The following IP6K3 variants were observed in gnomAD, a reference collection of about 807,000 sequenced individuals.
IP6K3 encodes the protein inositol hexakisphosphate kinase 3.
Under a neutral mutation model 28.8 loss-of-function variants are expected in IP6K3, and 20 were observed. The observed-to-expected ratio is 0.70, with a 90% CI of 0.49 to 1.01. The LOEUF is 1.01. IP6K3 is among the 50% of genes least tolerant of loss of function. The pLI is 0.00. For missense variants in IP6K3, 480 were observed against 537.1 expected, an observed-to-expected ratio of 0.89 and a Z score of 1.05; for synonymous variants, 213 against 221.3, an observed-to-expected ratio of 0.96 and a Z score of 0.33.
intron 5 of IP6K3, 65 bp from the exon 6 acceptor site, chr6:33,723,252 G>T: frequency 9.2e-7 from 1 of 1,087,986 alleles, no homozygotes; most frequent in Non-Finnish European, 1.3e-6. Flanking sequence ...ATCTGGTACG[G>T]TTGCAGCATC....
chr6:33,735,583 C>T lies in IP6K3; in HGVS notation c.-107G>A, dbSNP rs1766496205. 1.3e-6 allele frequency: 2 copies of T among 1,506,196 alleles called. No individual in the cohort carries two copies. Among genetic ancestry groups the T allele is most frequent in the Admixed American group, 2.2e-5 (1 of 46,416 alleles). The allele number at this position is 1,506,196 out of a possible 1,614,324, so 93.3% of individuals were successfully genotyped here. On this transcript the variant is annotated 5_prime_UTR_variant, in exon 2 of 6. Coordinates refer to ENST00000293756, the MANE Select transcript of IP6K3 (RefSeq NM_054111.5). ...ACACGGGGCTGTCAGCGGTCCTCAA[C>T]TTTCTCCTTCTTGGCCTTTATTGCT...
At chr6:33,727,866 T>A (rs1235516659) in intron 3 of IP6K3, 14 of 985,318 alleles carry the variant, frequency 1.4e-5, no homozygotes, top group Non-Finnish European at 1.7e-5. Context: ...GTGCATCAAC[T>A]TCTGGGATAA....
chr6:33,749,121 G>A (rs1451650932), upstream of IP6K3, among the ~76,000 whole-genome samples: 1 of 152,130 alleles, frequency 6.6e-6, no homozygotes, highest in South Asian at 2.1e-4. Context: ...ATGAGCAGGA[G>A]GCCCTTCAGG....
rs150614208 is a variant in IP6K3, at chr6:33,723,062, C to G, written c.891G>C (p.Glu297Asp). 3 of 1,614,008 alleles carry G rather than the reference C, an allele frequency of 1.9e-6. No homozygotes were observed. The highest frequency in any genetic ancestry group is 2.5e-6 in the Non-Finnish European group (3 of 1,179,988). The change falls in exon 6 of 6, where the codon GAG becomes GAC. Residue 297 changes from glutamate (E) to aspartate (D), a missense_variant. Physicochemically the swap from Glu to Asp is conservative, Grantham distance 45 (BLOSUM62 2). Transcript: ENST00000293756. ...GCTGGTGCAGGATGGGCTCCAGGAGCTCCCTCCGGAGGTGGCTTCCATTAT... is the reference window on the plus strand; with the variant it reads ...GCTGGTGCAGGATGGGCTCCAGGAGGTCCCTCCGGAGGTGGCTTCCATTAT... Reference protein sequence around the residue: ...FLHNGSHLRRELLEPILHQLR... With the variant: ...FLHNGSHLRRDLLEPILHQLR...
At chr6:33,749,699 A>G (rs1272782945), upstream of IP6K3, among the ~76,000 whole-genome samples, 1 of 151,334 alleles carries the variant, frequency 6.6e-6, no homozygotes, top group Non-Finnish European at 1.5e-5. Flanking sequence ...TGCCCACCCT[A>G]TGACCATGAT....
rs763635933 is a variant in IP6K3, at chr6:33,723,014, A to G, written c.939T>C (p.Ile313=). The G allele has an allele frequency of 1.2e-6, 2 of 1,614,004 alleles. No individual in the cohort carries two copies. The highest frequency in any genetic ancestry group is 1.1e-5 in the South Asian group (1 of 91,074). The part of the protein sequence containing the change: ...LHQLRALLSV[I]RSQSSYRFYS... ...AGAAGCGGTATGAACTCTGGCTCCT[A>G]ATGACAGAGAGGAGGGCCCGGAGCT... Residue 313 remains isoleucine, a synonymous_variant, in exon 6 of 6, where the codon ATT becomes ATC. Coordinates refer to ENST00000293756, the MANE Select transcript of IP6K3 (RefSeq NM_054111.5).
At position 33,746,235 on chromosome 6, in the gene IP6K3, G is replaced by A. The variant is rs1434988113; in HGVS notation, c.-180+523C>T. Among the ~76,000 whole-genome samples, 1 of 152,154 alleles carries A rather than the reference G, an allele frequency of 6.6e-6. No homozygotes were observed. The highest frequency in any genetic ancestry group is 2.4e-5 in the African/African-American group (1 of 41,434). On this transcript the variant is annotated intron_variant, in intron 1 of 5. Transcript: ENST00000293756. This position sits in a 1 kb window ranked among gnomAD's most constrained non-coding sequence, Gnocchi z 6.5. ...CTGCACCAGGCCCCAGGCAGCTGCT[G>A]TAGATGCTGATGTCATCCAGCCTGG...
In IP6K3 at chr6:33,746,166, T is replaced by A. The variant is rs73743329; in HGVS notation, c.-180+592A>T. Among the ~76,000 whole-genome samples the A allele has an allele frequency of 0.11, 16,426 of 151,998 alleles. 1,147 individuals carry two copies. The highest frequency in any genetic ancestry group is 0.19 in the African/African-American group (8,010 of 41,394). ...CAGGGACCACCGTTTGGTGGAGACA[T>A]GTCTCCCACCCCCATGACCGCCATC... On this transcript the variant is annotated intron_variant, in intron 1 of 5. Coordinates refer to ENST00000293756, the MANE Select transcript of IP6K3 (RefSeq NM_054111.5). The surrounding 1 kb of genome is among the most constrained non-coding windows in gnomAD (Gnocchi z 6.5).
chr6:33,723,282 G>T, intron 5 of IP6K3, 95 bp from the exon 6 acceptor site: 1 of 817,378 alleles, frequency 1.2e-6, no homozygotes, highest in Non-Finnish European at 1.9e-6. Context: ...GATAATATAT[G>T]AACAGATTTT....
upstream of IP6K3, among the ~76,000 whole-genome samples, chr6:33,751,763 T>C (rs1476456712): frequency 1.3e-5 from 2 of 152,164 alleles, no homozygotes; most frequent in African/African-American, 4.8e-5. This position sits in a 1 kb window ranked among gnomAD's most constrained non-coding sequence, Gnocchi z 4.3. Flanking sequence ...ACGGATTCAT[T>C]TTCCGGCAGC....
upstream of IP6K3, among the ~76,000 whole-genome samples, chr6:33,748,264 T>C (rs1561913813): frequency 6.6e-6 from 1 of 152,188 alleles, no homozygotes; most frequent in East Asian, 1.9e-4. Flanking sequence ...GTTGGTGTAG[T>C]ACTTACTCCA....
upstream of IP6K3, among the ~76,000 whole-genome samples, chr6:33,749,452 G>A (rs933998026): frequency 1.3e-5 from 2 of 151,594 alleles, no homozygotes; most frequent in Non-Finnish European, 2.9e-5. Flanking sequence ...CTCCATGGTC[G>A]TTTCCCCAAA....
At chr6:33,760,631 G>A in the IP6K3 span, among the ~76,000 whole-genome samples, 7 of 152,162 alleles carry the variant, frequency 4.6e-5, no homozygotes, top group Admixed American at 2.0e-4. Context: ...GGGTTCAAGC[G>A]ATTCTCCTGC....
chr6:33,737,321 G>A (rs1439184978), intron 1 of IP6K3, among the ~76,000 whole-genome samples: 1 of 127,748 alleles, frequency 7.8e-6, no homozygotes, highest in African/African-American at 3.5e-5. Context: ...CCACAGCGGT[G>A]CCCTGAGAGC....
intron 2 of IP6K3, among the ~76,000 whole-genome samples, chr6:33,731,818 C>A (rs1426753449): frequency 1.3e-5 from 2 of 152,058 alleles, no homozygotes; most frequent in Non-Finnish European, 2.9e-5. Context: ...TCTGTGGGGA[C>A]AAGGCCTTGG....
chr6:33,722,952 TC>T lies in IP6K3; in HGVS notation c.1000del (p.Glu334AsnfsTer34). Reference protein sequence around the residue: ...SSLLVIYDGQEPPERAPGSPH... With the variant: ...SSLLVIYDGQXPPERAPGSPH... ...GCTGCCTGGGGCTCTTTCTGGTGGT[TC>T]CTGCCCATCATAGATGACAAGGAGA... On this transcript the variant is annotated frameshift_variant, in exon 6 of 6. Transcript: ENST00000293756. LOFTEE classifies it low-confidence loss of function (END_TRUNC). 1 of 1,613,828 alleles carries T rather than the reference TC, an allele frequency of 6.2e-7. No homozygotes were observed. Among genetic ancestry groups the T allele is most frequent in the Non-Finnish European group, 8.5e-7 (1 of 1,180,002 alleles).
chr6:33,730,036 T>C (rs1382812584), intron 2 of IP6K3, among the ~76,000 whole-genome samples: 1 of 152,200 alleles, frequency 6.6e-6, no homozygotes, highest in Admixed American at 6.5e-5. Context: ...TAAGGTTGTC[T>C]TCATTTAATC....
chr6:33,726,797 C>G lies in IP6K3; in HGVS notation c.523G>C (p.Gly175Arg), dbSNP rs1246741448. 3 of 1,612,868 alleles carry G rather than the reference C, an allele frequency of 1.9e-6. No individual in the cohort carries two copies. The highest frequency in any genetic ancestry group is 2.5e-6 in the Non-Finnish European group (3 of 1,179,248). ...QVERKSFNPW[G>R]LQCHQAHLTR... ...AGGTGGGCCTGGTGGCATTGCAGGC[C>G]CCACGGGTTGAAGCTCTTCCTCTCA... The change falls in exon 4 of 6, where the codon GGC becomes CGC. Residue 175 changes from glycine to arginine, a missense_variant. Transcript: ENST00000293756.
Position 33,724,451 on chromosome 6 carries a change from A to G in IP6K3, c.765+990T>C, listed in dbSNP as rs150056743. ...TGGTTTTGCTTTGAGCAGACAGACT[A>G]TAAGAGGGAACGAGTAGAGGAAGTT... On this transcript the variant is annotated intron_variant, in intron 5 of 5. Transcript: ENST00000293756. Among the ~76,000 whole-genome samples, 31 of 152,350 alleles carry G rather than the reference A, an allele frequency of 2.0e-4. 1 individual carries two copies. Among genetic ancestry groups the G allele is most frequent in the South Asian group, 1.9e-3 (9 of 4,826 alleles).
Sources: gnomAD v4.1 joint callset for allele counts (sites outside exome capture counted in the v4.1 genomes callset) on GRCh38, gnomAD v4.1.1 for gene constraint, Gnocchi (gnomAD v3.1) non-coding constraint, MANE v1.5 for transcripts, NCBI Gene and HGNC (gene_info 2026-07-23, HGNC 2026-07-21) for gene names.